Variants in DEFB105B observed in about 807,000 individuals in gnomAD.
DEFB105B encodes the protein beta-defensin 105.
In DEFB105B at chr8:7,489,512, T is replaced by C; in HGVS notation, c.198T>C (p.Asn66=). ...TGGAGAATGAGAAGCCCGATGGAAA[T>C]TGCAGGCTGAACTTTCTCTGCTGCA... ...ECLENEKPDG[N]CRLNFLCCRQ... is the part of the protein sequence containing the mutation. Residue 66 remains asparagine, a synonymous_variant, in exon 3 of 3, where the codon AAT becomes AAC. Transcript: ENST00000335510. The C allele has an allele frequency of 1.2e-5, 1 of 80,316 alleles. No homozygotes were observed. Among genetic ancestry groups the C allele is most frequent in the Non-Finnish European group, 2.2e-5 (1 of 45,758 alleles). 5.0% of individuals were successfully genotyped at this position (80,316 alleles called of 1,614,324 possible).
In DEFB105B at chr8:7,489,514, G is replaced by T; in HGVS notation, c.200G>T (p.Cys67Phe). 2.5e-5 allele frequency: 2 copies of T among 80,238 alleles called. No individual in the cohort carries two copies. Among genetic ancestry groups the T allele is most frequent in the Non-Finnish European group, 4.4e-5 (2 of 45,826 alleles). The allele number at this position is 80,238 out of a possible 1,614,324, so 5.0% of individuals were successfully genotyped here. Residue 67 changes from cysteine (C) to phenylalanine (F), a missense_variant, in exon 3 of 3, where the codon TGC becomes TTC. Coordinates refer to ENST00000335510, the MANE Select transcript of DEFB105B (RefSeq NM_001040703.3). ...GAGAATGAGAAGCCCGATGGAAATT[G>T]CAGGCTGAACTTTCTCTGCTGCAGA... ...CLENEKPDGN[C>F]RLNFLCCRQR...
Position 7,489,548 on chromosome 8 carries a change from C to G in DEFB105B, c.234C>G (p.Ile78Met), listed in dbSNP as rs767549674. 2 of 69,002 alleles carry G rather than the reference C, an allele frequency of 2.9e-5. No homozygotes were observed. Among genetic ancestry groups the G allele is most frequent in the Non-Finnish European group, 5.0e-5 (2 of 40,004 alleles). 4.3% of individuals were successfully genotyped at this position (69,002 alleles called of 1,614,324 possible). Residue 78 changes from isoleucine to methionine, a missense_variant, in exon 3 of 3, where the codon ATC becomes ATG. Coordinates refer to ENST00000335510, the MANE Select transcript of DEFB105B (RefSeq NM_001040703.3). ...RLNFLCCRQR[I>M] Reference sequence around the variant, plus strand: ...ACTTTCTCTGCTGCAGACAGAGGATCTGACAAACCAGACCAGCACACTTCT... The same window carrying G: ...ACTTTCTCTGCTGCAGACAGAGGATGTGACAAACCAGACCAGCACACTTCT...
At position 7,489,485 on chromosome 8, in the gene DEFB105B, C is replaced by T; in HGVS notation, c.171C>T (p.Cys57=). 1.2e-5 allele frequency: 1 copy of T among 86,158 alleles called. No individual in the cohort carries two copies. The highest frequency in any genetic ancestry group is 5.3e-5 in the South Asian group (1 of 18,974). 5.3% of individuals were successfully genotyped at this position (86,158 alleles called of 1,614,324 possible). A position where few individuals can be genotyped will look rare whatever the true frequency, so the allele number is the denominator to read the frequency against. ...GTCGGGGAAAATGCAGGAAGGAGTG[C>T]TTGGAGAATGAGAAGCCCGATGGAA... is the stretch of plus-strand genomic sequence containing the variant. ...KLGRGKCRKE[C]LENEKPDGNC... Residue 57 remains cysteine (C), a synonymous_variant, in exon 3 of 3, where the codon TGC becomes TGT. Transcript: ENST00000335510.
rs1394117117 is a variant in DEFB105B, at chr8:7,489,466, G to T, written c.152G>T (p.Gly51Val). 1 of 87,594 alleles carries T rather than the reference G, an allele frequency of 1.1e-5. No homozygotes were observed. Among genetic ancestry groups the T allele is most frequent in the South Asian group, 5.3e-5 (1 of 18,836 alleles). 5.4% of individuals were successfully genotyped at this position (87,594 alleles called of 1,614,324 possible). ...AVCESCKLGR[G>V]KCRKECLENE... The stretch of plus-strand genomic sequence containing the variant: ...TGTGAGTCGTGCAAGCTTGGTCGGG[G>T]AAAATGCAGGAAGGAGTGCTTGGAG... Residue 51 changes from glycine (G) to valine (V), a missense_variant, in exon 3 of 3, where the codon GGA becomes GTA. Physicochemically the swap from Gly to Val is moderately radical, Grantham distance 109. Coordinates refer to ENST00000335510, the MANE Select transcript of DEFB105B (RefSeq NM_001040703.3).
chr8:7,489,508 G>A lies in DEFB105B; in HGVS notation c.194G>A (p.Gly65Glu). 1 of 81,230 alleles carries A rather than the reference G, an allele frequency of 1.2e-5. No homozygotes were observed. Among genetic ancestry groups the A allele is most frequent in the South Asian group, 5.6e-5 (1 of 17,904 alleles). The allele number at this position is 81,230 out of a possible 1,614,324, so 5.0% of individuals were successfully genotyped here. ...TGCTTGGAGAATGAGAAGCCCGATG[G>A]AAATTGCAGGCTGAACTTTCTCTGC... ...KECLENEKPD[G>E]NCRLNFLCCR... The change falls in exon 3 of 3, where the codon GGA (glycine) becomes GAA (glutamate). Residue 65 changes from glycine (G) to glutamate (E), a missense_variant. Coordinates refer to ENST00000335510, the MANE Select transcript of DEFB105B (RefSeq NM_001040703.3).
rs955805224 is a variant in DEFB105B, at chr8:7,489,451, G to A, written c.137G>A (p.Cys46Tyr). Residue 46 changes from cysteine to tyrosine, a missense_variant, in exon 3 of 3, where the codon TGC (cysteine) becomes TAC (tyrosine). By Grantham distance (194) the Cys-to-Tyr change is radical (BLOSUM62 -2). Coordinates refer to ENST00000335510, the MANE Select transcript of DEFB105B (RefSeq NM_001040703.3). The part of the protein sequence containing the change: ...PSGEFAVCES[C>Y]KLGRGKCRKE... The stretch of plus-strand genomic sequence containing the variant: ...GGTGAGTTTGCTGTCTGTGAGTCGT[G>A]CAAGCTTGGTCGGGGAAAATGCAGG... 1 of 83,998 alleles carries A rather than the reference G, an allele frequency of 1.2e-5. No homozygotes were observed. Among genetic ancestry groups the A allele is most frequent in the Non-Finnish European group, 2.1e-5 (1 of 47,642 alleles). 5.2% of individuals were successfully genotyped at this position (83,998 alleles called of 1,614,324 possible). A position where few individuals can be genotyped will look rare whatever the true frequency, so the allele number is the denominator to read the frequency against.
In DEFB105B at chr8:7,489,506, T is replaced by A. The variant is rs1288822684; in HGVS notation, c.192T>A (p.Asp64Glu). Residue 64 changes from aspartate (D) to glutamate (E), a missense_variant, in exon 3 of 3, where the codon GAT (aspartate) becomes GAA (glutamate). By Grantham distance (45) the Asp-to-Glu change is conservative. Coordinates refer to ENST00000335510, the MANE Select transcript of DEFB105B (RefSeq NM_001040703.3). ...AGTGCTTGGAGAATGAGAAGCCCGATGGAAATTGCAGGCTGAACTTTCTCT... is the reference window on the plus strand; with the variant it reads ...AGTGCTTGGAGAATGAGAAGCCCGAAGGAAATTGCAGGCTGAACTTTCTCT... ...RKECLENEKP[D>E]GNCRLNFLCC... The A allele has an allele frequency of 1.2e-5, 1 of 81,596 alleles. No individual in the cohort carries two copies. The highest frequency in any genetic ancestry group is 5.6e-5 in the South Asian group (1 of 18,000). 5.1% of individuals were successfully genotyped at this position (81,596 alleles called of 1,614,324 possible).
chr8:7,489,369 G>A, intron 2 of DEFB105B, 58 bp from the exon 3 acceptor site: 1 of 11,286 alleles, frequency 8.9e-5, no homozygotes, highest in East Asian at 2.3e-3. Context: ...TCTTTGACAT[G>A]TTCCCCATTT....
Position 7,489,577 on chromosome 8 carries a change from C to T in DEFB105B, c.*26C>T. 4.8e-5 allele frequency: 2 copies of T among 42,004 alleles called. No homozygotes were observed. Among genetic ancestry groups the T allele is most frequent in the Non-Finnish European group, 8.8e-5 (2 of 22,850 alleles). 2.6% of individuals were successfully genotyped at this position (42,004 alleles called of 1,614,324 possible). ...CAAACCAGACCAGCACACTTCTGGC[C>T]TTAGAAGCAGACCTGGATATTCAAA... is the stretch of plus-strand genomic sequence containing the variant. On this transcript the variant is annotated 3_prime_UTR_variant, in exon 3 of 3. Coordinates refer to ENST00000335510, the MANE Select transcript of DEFB105B (RefSeq NM_001040703.3).
rs1563358355 is a variant in DEFB105B at position 7,489,548 on chromosome 8, CT to C, written c.235del (p.Ter79AspfsTer?). The part of the protein sequence containing the change: ...LNFLCCRQRI[*>X] ...ACTTTCTCTGCTGCAGACAGAGGAT[CT>C]GACAAACCAGACCAGCACACTTCTG... On this transcript the variant is annotated frameshift_variant and stop_lost, in exon 3 of 3. Coordinates refer to ENST00000335510, the MANE Select transcript of DEFB105B (RefSeq NM_001040703.3). LOFTEE classifies it high-confidence loss of function. 2 of 69,000 alleles carry C rather than the reference CT, an allele frequency of 2.9e-5. No individual in the cohort carries two copies. Among genetic ancestry groups the C allele is most frequent in the South Asian group, 1.3e-4 (2 of 15,006 alleles). 4.3% of individuals were successfully genotyped at this position (69,000 alleles called of 1,614,324 possible). A position where few individuals can be genotyped will look rare whatever the true frequency, so the allele number is the denominator to read the frequency against.
intron 2 of DEFB105B, 48 bp from the exon 3 acceptor site, chr8:7,489,379 T>G: frequency 6.4e-5 from 1 of 15,582 alleles, no homozygotes. Flanking sequence ...GTTCCCCATT[T>G]CTAGACATTT....
chr8:7,487,944 AT>A (rs773668572), intron 1 of DEFB105B, among the ~76,000 whole-genome samples, 154 bp downstream of exon 1: 2 of 134 alleles, frequency 0.015, no homozygotes, highest in African/African-American at 0.026. Context: ...CATATAGTGT[AT>A]TTTTTTTTTT....
At chr8:7,489,306 T>C (rs1811559720) in intron 2 of DEFB105B, 121 bp from the exon 3 acceptor site, 1 of 2,298 alleles carries the variant, frequency 4.4e-4, no homozygotes, top group Non-Finnish European at 7.4e-4. Flanking sequence ...GGGCTGATTC[T>C]TGAAAATATT....
Sources: gnomAD v4.1 joint callset for allele counts (sites outside exome capture counted in the v4.1 genomes callset) on GRCh38, gnomAD v4.1.1 for gene constraint, MANE v1.5 for transcripts, NCBI Gene and HGNC (gene_info 2026-07-23, HGNC 2026-07-21) for gene names.